Variants in DOCK1 observed in about 807,000 individuals in gnomAD.
DOCK1 encodes the protein dedicator of cytokinesis 1, also known as dedicator of cytokinesis protein 1.
In DOCK1, 138 loss-of-function variants were observed where a neutral mutation model predicts 262.7. The observed-to-expected ratio is 0.53, with a 90% CI of 0.46 to 0.61. The LOEUF (loss-of-function observed/expected upper bound fraction) is 0.61, where lower values mean the gene tolerates loss of function less well. Ranked by LOEUF, DOCK1 falls within the 20% of genes least tolerant of loss-of-function variation. The pLI is 0.00. For missense variants in DOCK1, 1,908 were observed against 2,370.7 expected (o/e 0.80, Z 4.05); for synonymous variants, 866 against 867.4 (o/e 1.00, Z 0.03).
At chr10:127,392,650 T>C (rs2066551226) in intron 38 of DOCK1, among the ~76,000 whole-genome samples, 1 of 152,114 alleles carries the variant, frequency 6.6e-6, no homozygotes, top group East Asian at 1.9e-4. Context: ...TTCCACAAAG[T>C]TCCTTATTTG....
intron 27 of DOCK1, among the ~76,000 whole-genome samples, chr10:127,185,761 C>T (rs1441067481): frequency 6.6e-6 from 1 of 152,164 alleles, no homozygotes; most frequent in Non-Finnish European, 1.5e-5. Context: ...TTTGGCATGA[C>T]TACCTTGAGT....
chr10:127,042,617 C>G lies in DOCK1; in HGVS notation c.2011-8C>G. 1 of 1,613,826 alleles carries G rather than the reference C, an allele frequency of 6.2e-7. No homozygotes were observed. On this transcript the variant is annotated splice_polypyrimidine_tract_variant and splice_region_variant and intron_variant, in intron 19 of 51. Coordinates refer to ENST00000623213, the MANE Select transcript of DOCK1 (RefSeq NM_001290223.2). ...CACATTGTCACCCGACCTTCTGTGT[C>G]TATGCAGTTTCTTCAGGACACGTTG...
At chr10:127,047,006 C>T (rs1235720452) in intron 21 of DOCK1, among the ~76,000 whole-genome samples, 3 of 152,042 alleles carry the variant, frequency 2.0e-5, no homozygotes, top group African/African-American at 4.8e-5. Context: ...TTGTTGGATG[C>T]GTAAGATGTT....
At chr10:127,330,408 G>GAA (rs1221721146) in intron 29 of DOCK1, among the ~76,000 whole-genome samples, 9 of 135,198 alleles carry the variant, frequency 6.7e-5, no homozygotes, top group African/African-American at 1.6e-4. Flanking sequence ...GGCTACATCA[G>GAA]AAAAAAAAAA....
chr10:127,055,729 T>C (rs1392122133), intron 22 of DOCK1, among the ~76,000 whole-genome samples: 1 of 152,242 alleles, frequency 6.6e-6, no homozygotes, highest in Non-Finnish European at 1.5e-5. Context: ...AGTCAATCTC[T>C]GAGACTTCTG....
rs192915310 is a variant in DOCK1, at chr10:126,913,743, C to T, written c.46+8180C>T. On this transcript the variant is annotated intron_variant, in intron 1 of 51. Transcript: ENST00000623213. Reference sequence around the variant, plus strand: ...CACCCCAGACAGATGTCTGTCAGTTCGTTGAATTTTCATTTGGGTGCCTTG... The same window carrying T: ...CACCCCAGACAGATGTCTGTCAGTTTGTTGAATTTTCATTTGGGTGCCTTG... 6.6e-5 allele frequency among the ~76,000 whole-genome samples: 10 copies of T among 152,286 alleles called. No individual in the cohort carries two copies. In the East Asian group the frequency reaches 1.5e-3, roughly 24 times the overall value.
chr10:127,176,326 G>A lies in DOCK1; in HGVS notation c.2847+48562G>A. 1 of 1,614,016 alleles carries A rather than the reference G, an allele frequency of 6.2e-7. No homozygotes were observed. The highest frequency in any genetic ancestry group is 1.1e-5 in the South Asian group (1 of 91,074). ...AGGGCGTATTTCATCTCCAGGGCCA[G>A]GCAGGCGGCGGGTTCCACTTCACTC... On this transcript the variant is annotated intron_variant, in intron 27 of 51. Coordinates refer to ENST00000623213, the MANE Select transcript of DOCK1 (RefSeq NM_001290223.2). The surrounding 1 kb of genome is among the most constrained non-coding windows in gnomAD (Gnocchi z 4.4).
intron 10 of DOCK1, among the ~76,000 whole-genome samples, chr10:127,003,421 G>C (rs147264711): frequency 1.3e-5 from 2 of 152,356 alleles, no homozygotes; most frequent in East Asian, 3.9e-4. Context: ...GTTTTCCTCT[G>C]TGGGAAGATT....
At chr10:127,347,688 C>CG (rs1233357380) in intron 31 of DOCK1, among the ~76,000 whole-genome samples, 1 of 150,936 alleles carries the variant, frequency 6.6e-6, no homozygotes, top group Non-Finnish European at 1.5e-5. Flanking sequence ...GTCTGTTTCT[C>CG]GGGGGAAAGG....
chr10:126,948,830 T>G (rs1187272274), intron 1 of DOCK1, among the ~76,000 whole-genome samples: 2 of 152,042 alleles, frequency 1.3e-5, no homozygotes, highest in Admixed American at 6.6e-5. Context: ...AAAGGGAACC[T>G]TGCCCCCTAT....
At position 126,930,242 on chromosome 10, in the gene DOCK1, T is replaced by C. The variant is rs2034088771; in HGVS notation, c.46+24679T>C. On this transcript the variant is annotated intron_variant, in intron 1 of 51. Transcript: ENST00000623213. Reference sequence around the variant, plus strand: ...GGTTCTTTCCACCTTTTGGCTCTTGTGACTGGTGCTGCTGGGAACATTCAT... The same window carrying C: ...GGTTCTTTCCACCTTTTGGCTCTTGCGACTGGTGCTGCTGGGAACATTCAT... Among the ~76,000 whole-genome samples, 6 of 152,238 alleles carry C rather than the reference T, an allele frequency of 3.9e-5. No homozygotes were observed. In the South Asian group the frequency reaches 1.0e-3, roughly 26 times the overall value.
chr10:127,138,174 G>A (rs1203458317), intron 27 of DOCK1, among the ~76,000 whole-genome samples: 1 of 152,168 alleles, frequency 6.6e-6, no homozygotes, highest in Non-Finnish European at 1.5e-5. Flanking sequence ...TTTTAGCTCT[G>A]TGCTCCCGTG....
At position 127,054,127 on chromosome 10, in the gene DOCK1, G is replaced by A. The variant is rs149977939; in HGVS notation, c.2336+1312G>A. Reference sequence around the variant, plus strand: ...TGCCTTCCCGTTTCCTCCTCACTGTGTTTTCGTTTGTCTGAAGCAGTCGTG... The same window carrying A: ...TGCCTTCCCGTTTCCTCCTCACTGTATTTTCGTTTGTCTGAAGCAGTCGTG... On this transcript the variant is annotated intron_variant, in intron 22 of 51. Transcript: ENST00000623213. 1.9e-3 allele frequency among the ~76,000 whole-genome samples: 290 copies of A among 152,340 alleles called. 1 individual carries two copies. The highest frequency in any genetic ancestry group is 0.01 in the Middle Eastern group (3 of 294).
intron 1 of DOCK1, among the ~76,000 whole-genome samples, chr10:126,938,303 A>T (rs1322658916): frequency 4.6e-5 from 7 of 152,128 alleles, no homozygotes; most frequent in African/African-American, 1.7e-4. Flanking sequence ...CCGCCTCAGC[A>T]TCCCAAAGTG....
chr10:127,345,065 A>G (rs1590598398), intron 31 of DOCK1, among the ~76,000 whole-genome samples: 2 of 152,320 alleles, frequency 1.3e-5, no homozygotes, highest in South Asian at 2.1e-4. Flanking sequence ...TAGTAACAGT[A>G]GGCTATACCG....
rs1169845204 is a variant in DOCK1, at chr10:127,409,115, A to G, written c.4201A>G (p.Asn1401Asp). 3 of 1,609,910 alleles carry G rather than the reference A, an allele frequency of 1.9e-6. No homozygotes were observed. The highest frequency in any genetic ancestry group is 1.7e-4 in the Middle Eastern group (1 of 6,056). Residue 1401 changes from asparagine to aspartate, a missense_variant, in exon 41 of 52, where the codon AAC becomes GAC. Physicochemically the swap from Asn to Asp is conservative, Grantham distance 23 (BLOSUM62 1). Coordinates refer to ENST00000623213, the MANE Select transcript of DOCK1 (RefSeq NM_001290223.2). ...GGCTCGGCTCTTAACTCAGTTTCCA[A>G]ACGCCGAGAAAATGAAGACAACATC... ...FEARLLTQFP[N>D]AEKMKTTSPP...
intron 32 of DOCK1, among the ~76,000 whole-genome samples, chr10:127,357,292 A>G (rs2064193194): frequency 6.6e-6 from 1 of 152,204 alleles, no homozygotes; most frequent in African/African-American, 2.4e-5. Flanking sequence ...TCACCTCTGT[A>G]GTCCCTGAGA....
At chr10:127,264,192 C>G (rs2060275524) in intron 29 of DOCK1, among the ~76,000 whole-genome samples, 1 of 152,290 alleles carries the variant, frequency 6.6e-6, no homozygotes, top group South Asian at 2.1e-4. Context: ...TTTAAAAATT[C>G]AACTACTCCA....
intron 27 of DOCK1, among the ~76,000 whole-genome samples, chr10:127,245,291 T>TA (rs1386501010): frequency 6.6e-6 from 1 of 152,202 alleles, no homozygotes; most frequent in East Asian, 1.9e-4. Flanking sequence ...AAGCAAGACT[T>TA]ACTTTCGCTA....
Sources: allele counts gnomAD v4.1 joint callset (sites outside exome capture counted in the v4.1 genomes callset), GRCh38; gene constraint gnomAD v4.1.1; non-coding constraint Gnocchi (gnomAD v3.1); transcripts MANE v1.5; gene names NCBI Gene and HGNC (gene_info 2026-07-23, HGNC 2026-07-21).